The following INSL6 variants were observed in gnomAD, a reference collection of about 807,000 sequenced individuals.
INSL6 encodes the protein insulin-like peptide INSL6.
Under a neutral mutation model 9.4 loss-of-function variants are expected in INSL6, and 16 were observed. The observed-to-expected ratio is 1.70, with a 90% CI of 1.15 to 2.59. The LOEUF is 2.59. Among genes scored for constraint, INSL6 ranks in the 30% most tolerant of loss-of-function variants. The pLI is 0.00. For synonymous variants in INSL6, 154 were observed against 96.9 expected, an observed-to-expected ratio of 1.59 and a Z score of -3.46; for missense variants, 391 against 257.3, an observed-to-expected ratio of 1.52 and a Z score of -3.56.
chr9:5,080,294 G>C, the INSL6 span: 12 of 1,613,080 alleles, frequency 7.4e-6, no homozygotes, highest in African/African-American at 1.6e-4. Context: ...TTTAAATTTG[G>C]CAACAGACAA....
intron 2 of INSL6, among the ~76,000 whole-genome samples, chr9:5,154,199 C>G (rs1260632915): frequency 6.6e-6 from 1 of 152,140 alleles, no homozygotes; most frequent in African/African-American, 2.4e-5. Flanking sequence ...CTTTGACAAA[C>G]CTGACAAAAA....
chr9:5,141,961 A>C (rs1229175781), intron 2 of INSL6, among the ~76,000 whole-genome samples: 1 of 152,198 alleles, frequency 6.6e-6, no homozygotes, highest in African/African-American at 2.4e-5. Flanking sequence ...AGGAGGATTT[A>C]TTGAATAGGT....
At position 5,150,925 on chromosome 9, in the gene INSL6, G is replaced by C. The variant is rs565635583; in HGVS notation, c.376+13254C>G. On this transcript the variant is annotated intron_variant, in intron 2 of 3. Transcript: ENST00000649639. ...CCATAAAAAGAATAAAATGTATTTTGCAGCAACATGGGTGGAACTGGAGGC... is the reference window on the plus strand; with the variant it reads ...CCATAAAAAGAATAAAATGTATTTTCCAGCAACATGGGTGGAACTGGAGGC... Among the ~76,000 whole-genome samples the C allele has an allele frequency of 3.0e-4, 45 of 151,692 alleles. No homozygotes were observed. In the South Asian group the frequency reaches 3.5e-3, roughly 12 times the overall value.
the INSL6 span, among the ~76,000 whole-genome samples, chr9:5,082,654 G>C: frequency 6.6e-6 from 1 of 152,210 alleles, no homozygotes; most frequent in Admixed American, 6.5e-5. Context: ...CTATCACATG[G>C]GGAGAAACCT....
chr9:5,076,036 G>A, the INSL6 span, among the ~76,000 whole-genome samples: 1 of 152,122 alleles, frequency 6.6e-6, no homozygotes, highest in African/African-American at 2.4e-5. Flanking sequence ...GGTGGAAACA[G>A]AGAACTAAGA....
At chr9:5,168,828 A>T (rs1381993109) in intron 1 of INSL6, among the ~76,000 whole-genome samples, 1 of 152,170 alleles carries the variant, frequency 6.6e-6, no homozygotes, top group South Asian at 2.1e-4. Flanking sequence ...AGCCAGAGAA[A>T]GGTCGAGTCA....
the INSL6 span, among the ~76,000 whole-genome samples, chr9:4,992,102 T>C: frequency 6.6e-6 from 1 of 152,180 alleles, no homozygotes; most frequent in East Asian, 1.9e-4. Flanking sequence ...TTGGGAAGAA[T>C]TGCCAGCCAG....
the INSL6 span, among the ~76,000 whole-genome samples, chr9:5,092,253 C>G: frequency 6.6e-6 from 1 of 152,070 alleles, no homozygotes; most frequent in Admixed American, 6.5e-5. Context: ...GAGTAGAGTG[C>G]TTGGTTGAGG....
chr9:5,178,631 A>C (rs1384628865), intron 1 of INSL6, among the ~76,000 whole-genome samples: 1 of 152,238 alleles, frequency 6.6e-6, no homozygotes, highest in Non-Finnish European at 1.5e-5. Context: ...CAGTAACCAC[A>C]ACAGCTTGGT....
At chr9:5,085,039 C>T in the INSL6 span, 13 of 787,666 alleles carry the variant, frequency 1.7e-5, no homozygotes, top group African/African-American at 5.2e-5. Context: ...TGAATGAGGG[C>T]GTCTCTTTCT....
chr9:5,132,056 G>C (rs1289110053), intron 3 of INSL6: 2 of 152,062 alleles, frequency 1.3e-5, no homozygotes, highest in African/African-American at 4.8e-5. Context: ...CTTGGTAATA[G>C]GAGTAAAGGT....
chr9:5,139,135 T>A (rs1340140335), intron 2 of INSL6, among the ~76,000 whole-genome samples: 8 of 152,206 alleles, frequency 5.3e-5, no homozygotes, highest in African/African-American at 1.7e-4. Flanking sequence ...ATCTTTGCTA[T>A]GAAATTTACC....
chr9:5,024,091 C>T, the INSL6 span, among the ~76,000 whole-genome samples: 5 of 151,944 alleles, frequency 3.3e-5, no homozygotes, highest in African/African-American at 1.2e-4. Context: ...CTCATCTCTG[C>T]TAAAAATACA....
At chr9:5,102,621 A>G in the INSL6 span, among the ~76,000 whole-genome samples, 1 of 152,202 alleles carries the variant, frequency 6.6e-6, no homozygotes, top group Non-Finnish European at 1.5e-5. Flanking sequence ...TGAAGGAAAA[A>G]AATGTTAAGG....
the INSL6 span, among the ~76,000 whole-genome samples, chr9:4,997,230 G>A: frequency 6.6e-6 from 1 of 152,018 alleles, no homozygotes; most frequent in Non-Finnish European, 1.5e-5. Flanking sequence ...ACCGCGCATG[G>A]CCTGTTAGTC....
chr9:5,123,594 G>A (rs1167897432), downstream of INSL6, among the ~76,000 whole-genome samples: 5 of 151,880 alleles, frequency 3.3e-5, no homozygotes, highest in African/African-American at 1.2e-4. Context: ...CTTTTGTGAA[G>A]AATGCTGCAA....
the INSL6 span, among the ~76,000 whole-genome samples, chr9:5,061,996 G>A: frequency 6.6e-6 from 1 of 152,148 alleles, no homozygotes; most frequent in Non-Finnish European, 1.5e-5. Flanking sequence ...GCTATTCGGT[G>A]GAGCAGTCAG....
At chr9:5,163,864 T>A, downstream of INSL6, 1 of 1,199,634 alleles carries the variant, frequency 8.3e-7, no homozygotes, top group Non-Finnish European at 1.2e-6. Context: ...AAAATAGAGT[T>A]AAATAAATGT....
the INSL6 span, chr9:5,055,578 A>C: frequency 9.8e-7 from 1 of 1,023,506 alleles, no homozygotes; most frequent in Non-Finnish European, 1.4e-6. Flanking sequence ...TATTTTAAAG[A>C]ATTTGGAAAG....
Sources: gnomAD v4.1 joint callset for allele counts (sites outside exome capture counted in the v4.1 genomes callset) on GRCh38, gnomAD v4.1.1 for gene constraint, MANE v1.5 for transcripts, NCBI Gene and HGNC (gene_info 2026-07-23, HGNC 2026-07-21) for gene names.